Variants in PCGF6 observed in about 807,000 individuals in gnomAD.
The protein encoded by PCGF6 is polycomb group ring finger 6, also known as polycomb group RING finger protein 6.
A neutral mutation model predicts 45.5 loss-of-function variants in PCGF6; 24 were observed. The ratio of observed to expected loss-of-function variants is 0.53; its 90% CI spans 0.38 to 0.74. The LOEUF is 0.74. Ranked by LOEUF, PCGF6 falls within the 30% of genes least tolerant of loss-of-function variation. The probability of loss-of-function intolerance (pLI) is 0.00; values close to 1 mark genes in which losing one functional copy is unlikely to be tolerated. For synonymous variants in PCGF6, 152 were observed against 162.1 expected (o/e 0.94, Z 0.47); for missense variants, 356 against 443.2 (o/e 0.80, Z 1.77).
chr10:103,351,120 C>A lies in PCGF6; in HGVS notation c.-54G>T. ...GCGGCGGGAGAGCGCGGGAGTTCGG[C>A]CGGCCTCGGACGCCACCACTGCGCA... On this transcript the variant is annotated 5_prime_UTR_variant, in exon 1 of 10. Coordinates refer to ENST00000369847, the MANE Select transcript of PCGF6 (RefSeq NM_001011663.2). 1 of 1,335,810 alleles carries A rather than the reference C, an allele frequency of 7.5e-7. No homozygotes were observed. The highest frequency in any genetic ancestry group is 9.6e-7 in the Non-Finnish European group (1 of 1,042,976). 82.7% of individuals were successfully genotyped at this position (1,335,810 alleles called of 1,614,324 possible).
chr10:103,326,774 T>C (rs2093220491), intron 7 of PCGF6, 142 bp from the exon 8 acceptor site: 2 of 510,000 alleles, frequency 3.9e-6, no homozygotes, highest in Admixed American at 7.8e-5. Flanking sequence ...AAAAACTTAC[T>C]ATGAAACAAG....
At chr10:103,317,005 A>AATTTT (rs886527856) in intron 8 of PCGF6, among the ~76,000 whole-genome samples, 1 of 151,916 alleles carries the variant, frequency 6.6e-6, no homozygotes, top group South Asian at 2.1e-4. Context: ...TTGTTTTATT[A>AATTTT]ATTTTATTTT....
intron 6 of PCGF6, among the ~76,000 whole-genome samples, chr10:103,344,625 C>T (rs1007399902): frequency 1.4e-4 from 21 of 150,012 alleles, no homozygotes; most frequent in African/African-American, 4.4e-4. Context: ...TGCAATGGCG[C>T]GATCTTGGCT....
chr10:103,351,029 C>G lies in PCGF6; in HGVS notation c.38G>C (p.Gly13Ala). The change falls in exon 1 of 10, where the codon GGC (glycine) becomes GCC (alanine). Residue 13 changes from glycine to alanine, a missense_variant. By Grantham distance (60) the Gly-to-Ala change is moderately conservative (BLOSUM62 0). Coordinates refer to ENST00000369847, the MANE Select transcript of PCGF6 (RefSeq NM_001011663.2). Reference sequence around the variant, plus strand: ...TGCAGCTCCCTCGGTTTTGGCAGCGCCTACGCTGCCCGCCGTCACCACCGC... The same window carrying G: ...TGCAGCTCCCTCGGTTTTGGCAGCGGCTACGCTGCCCGCCGTCACCACCGC... ...GVAVVTAGSV[G>A]AAKTEGAAAL... The G allele has an allele frequency of 2.1e-6, 3 of 1,399,104 alleles. No homozygotes were observed. The highest frequency in any genetic ancestry group is 2.8e-6 in the Non-Finnish European group (3 of 1,076,590). The allele number at this position is 1,399,104 out of a possible 1,614,324, so 86.7% of individuals were successfully genotyped here.
chr10:103,336,998 TAA>T (rs962211360), intron 6 of PCGF6, among the ~76,000 whole-genome samples: 1 of 152,226 alleles, frequency 6.6e-6, no homozygotes, highest in African/African-American at 2.4e-5. Context: ...TTTTATTTGG[TAA>T]CCCTTTAAAG....
intron 6 of PCGF6, 113 bp from the exon 7 acceptor site, chr10:103,334,065 A>G: frequency 1.4e-6 from 1 of 703,608 alleles, no homozygotes; most frequent in Non-Finnish European, 2.1e-6. Context: ...ATTCTAGAAC[A>G]CAGTCACCTG....
chr10:103,347,824 G>A (rs958083544), intron 3 of PCGF6, among the ~76,000 whole-genome samples: 7 of 152,032 alleles, frequency 4.6e-5, no homozygotes, highest in African/African-American at 1.7e-4. Context: ...CTTAATAGCT[G>A]GGACTAAAGG....
chr10:103,335,217 A>T (rs950588603), intron 6 of PCGF6, among the ~76,000 whole-genome samples: 10 of 140,648 alleles, frequency 7.1e-5, no homozygotes, highest in African/African-American at 2.6e-4. Context: ...ATGGCTAATT[A>T]AAAAAAAAAA....
intron 1 of PCGF6, among the ~76,000 whole-genome samples, chr10:103,349,537 G>C (rs1223702007): frequency 7.7e-6 from 1 of 129,328 alleles, no homozygotes; most frequent in Non-Finnish European, 1.6e-5. Flanking sequence ...CTGGAGTGCA[G>C]CGGCAAGATC....
chr10:103,341,342 C>T lies in PCGF6; in HGVS notation c.782+3682G>A, dbSNP rs187488741. On this transcript the variant is annotated intron_variant, in intron 6 of 9. Transcript: ENST00000369847. ...CACTATCTCGGCTCACCACAACCTCCGCCTCCCGGGTTCAAGTGATTCTCC... is the reference window on the plus strand; with the variant it reads ...CACTATCTCGGCTCACCACAACCTCTGCCTCCCGGGTTCAAGTGATTCTCC... Among the ~76,000 whole-genome samples the T allele has an allele frequency of 5.3e-5, 8 of 151,906 alleles. No individual in the cohort carries two copies. In the East Asian group the frequency reaches 1.4e-3, roughly 26 times the overall value.
Position 103,302,963 on chromosome 10 carries a change from A to G in PCGF6, c.*942T>C, listed in dbSNP as rs2093124421. 6.6e-6 allele frequency: 1 copy of G among 152,600 alleles called. No individual in the cohort carries two copies. The highest frequency in any genetic ancestry group is 1.5e-5 in the Non-Finnish European group (1 of 68,036). 9.5% of individuals were successfully genotyped at this position (152,600 alleles called of 1,614,324 possible). A position where few individuals can be genotyped will look rare whatever the true frequency, so the allele number is the denominator to read the frequency against. On this transcript the variant is annotated 3_prime_UTR_variant, in exon 10 of 10. Coordinates refer to ENST00000369847, the MANE Select transcript of PCGF6 (RefSeq NM_001011663.2). The stretch of plus-strand genomic sequence containing the variant: ...AATATTTCTTTCAGAAAGCATCACA[A>G]TGCTAATTTTAGGCAAATAATGTTT...
intron 8 of PCGF6, among the ~76,000 whole-genome samples, chr10:103,314,954 T>TAA (rs60182387): frequency 0.067 from 3,827 of 57,186 alleles, 609 homozygotes; most frequent in African/African-American, 0.18. Flanking sequence ...GACTCTGTCA[T>TAA]AAAAAAAAAA....
chr10:103,324,405 T>C (rs2093208964), intron 8 of PCGF6, among the ~76,000 whole-genome samples: 1 of 151,000 alleles, frequency 6.6e-6, no homozygotes, highest in African/African-American at 2.5e-5. Context: ...GAACTATGAG[T>C]ATATTTTACT....
At position 103,316,009 on chromosome 10, in the gene PCGF6, TATATAGAGAGAGAG is replaced by T. The variant is rs1333219014; in HGVS notation, c.910-1751_910-1738del. Among the ~76,000 whole-genome samples, 486 of 127,366 alleles carry T rather than the reference TATATAGAGAGAGAG, an allele frequency of 3.8e-3. 13 individuals are homozygous for T. The highest frequency in any genetic ancestry group is 0.037 in the Admixed American group (468 of 12,532). The allele number at this position is 127,366 out of a possible 152,430, so 83.6% of individuals were successfully genotyped here. Reference sequence around the variant, plus strand: ...GTGTGTGTGTGTATATATATATATATATATAGAGAGAGAGAGAGAGAGAGAGAGAGAGAGATATC... The same window carrying T: ...GTGTGTGTGTGTATATATATATATATAGAGAGAGAGAGAGAGAGAGATATC... On this transcript the variant is annotated intron_variant, in intron 8 of 9. Transcript: ENST00000369847.
At chr10:103,317,886 G>A (rs529295714) in intron 8 of PCGF6, among the ~76,000 whole-genome samples, 2 of 151,668 alleles carry the variant, frequency 1.3e-5, no homozygotes, top group South Asian at 2.1e-4. Context: ...AGCCTCCCAA[G>A]TAGCTGGGAT....
intron 3 of PCGF6, 110 bp from the exon 4 acceptor site, chr10:103,347,560 G>A (rs1024874185): frequency 2.2e-5 from 18 of 833,066 alleles, no homozygotes; most frequent in Non-Finnish European, 3.5e-5. Context: ...TTTCTCAGAG[G>A]TGAGTTACTT....
intron 9 of PCGF6, among the ~76,000 whole-genome samples, chr10:103,313,500 G>A (rs2133558794): frequency 6.6e-6 from 1 of 152,316 alleles, no homozygotes; most frequent in African/African-American, 2.4e-5. Context: ...GGGAGGCAGA[G>A]GCTGCAGTGA....
intron 6 of PCGF6, among the ~76,000 whole-genome samples, chr10:103,344,364 C>T (rs569220389): frequency 2.6e-5 from 4 of 152,056 alleles, no homozygotes; most frequent in South Asian, 2.1e-4. Flanking sequence ...CTCCACTGCC[C>T]GATTTCAAGT....
At chr10:103,340,197 AAATATATATAT>A (rs1266016467) in intron 6 of PCGF6, among the ~76,000 whole-genome samples, 7 of 94,800 alleles carry the variant, frequency 7.4e-5, no homozygotes, top group Non-Finnish European at 1.3e-4. Context: ...AAAAAAAAAA[AAATATATATAT>A]ATATATATAT....
Sources: allele counts gnomAD v4.1 joint callset (sites outside exome capture counted in the v4.1 genomes callset), GRCh38; gene constraint gnomAD v4.1.1; transcripts MANE v1.5; gene names NCBI Gene and HGNC (gene_info 2026-07-23, HGNC 2026-07-21).